The following ATF6 variants were observed in gnomAD, a reference collection of about 807,000 sequenced individuals.
The protein encoded by ATF6 is cyclic AMP-dependent transcription factor ATF-6 alpha.
In ATF6, 53 loss-of-function variants were observed where a neutral mutation model predicts 83.6. The observed-to-expected ratio is 0.63, with a 90% CI of 0.51 to 0.80. ATF6 has a LOEUF of 0.80. Ranked by LOEUF, ATF6 falls within the 30% of genes least tolerant of loss-of-function variation. ATF6 has a pLI of 0.00. For synonymous variants in ATF6, 288 were observed against 285.8 expected (o/e 1.01, Z -0.08); for missense variants, 744 against 797.9 (o/e 0.93, Z 0.81).
chr1:161,863,350 A>C, intron 14 of ATF6, 38 bp downstream of exon 14: 1 of 1,358,786 alleles, frequency 7.4e-7, no homozygotes. Context: ...AATATTTTTG[A>C]GTGCTTGCCG....
At chr1:161,820,707 C>T (rs1227261914) in intron 8 of ATF6, among the ~76,000 whole-genome samples, 2 of 152,074 alleles carry the variant, frequency 1.3e-5, no homozygotes, top group Non-Finnish European at 2.9e-5. Context: ...GAGATGATGC[C>T]ACTGCACTCC....
intron 4 of ATF6, among the ~76,000 whole-genome samples, 184 bp downstream of exon 4, chr1:161,784,280 GCT>G: frequency 1.3e-5 from 2 of 152,134 alleles, no homozygotes; most frequent in Non-Finnish European, 2.9e-5. Context: ...CTTTGGTTTT[GCT>G]CTCTTTTCCC....
intron 14 of ATF6, among the ~76,000 whole-genome samples, chr1:161,903,487 C>T (rs1355185649): frequency 4.6e-5 from 7 of 152,144 alleles, no homozygotes; most frequent in African/African-American, 1.7e-4. Flanking sequence ...CAATGGCTCT[C>T]AACTATGTGG....
At chr1:161,863,483 G>T (rs1686928626) in intron 14 of ATF6, among the ~76,000 whole-genome samples, 171 bp downstream of exon 14, 1 of 152,174 alleles carries the variant, frequency 6.6e-6, no homozygotes, top group Admixed American at 6.5e-5. Flanking sequence ...ACTTTGAGCT[G>T]TTGAGTATTA....
At chr1:161,791,264 A>T in intron 4 of ATF6, 144 bp from the exon 5 acceptor site, 1 of 502,268 alleles carries the variant, frequency 2.0e-6, no homozygotes, top group South Asian at 3.5e-5. Context: ...CTTATTACTT[A>T]ATATATATAT....
chr1:161,842,290 C>T (rs929985627), intron 9 of ATF6, among the ~76,000 whole-genome samples: 10 of 151,902 alleles, frequency 6.6e-5, no homozygotes, highest in Admixed American at 2.6e-4. Flanking sequence ...ACAACCACTG[C>T]GGAAAACAGT....
At chr1:161,836,293 A>G (rs1686213125) in intron 9 of ATF6, among the ~76,000 whole-genome samples, 1 of 152,202 alleles carries the variant, frequency 6.6e-6, no homozygotes, top group African/African-American at 2.4e-5. Context: ...ACATTTCGCC[A>G]TATGATATCA....
chr1:161,775,330 C>A (rs1684489165), intron 1 of ATF6, among the ~76,000 whole-genome samples: 1 of 152,008 alleles, frequency 6.6e-6, no homozygotes, highest in African/African-American at 2.4e-5. Flanking sequence ...CACCAATATC[C>A]TTTTCTTATT....
chr1:161,896,510 C>T (rs980773491), intron 14 of ATF6, among the ~76,000 whole-genome samples: 1 of 152,184 alleles, frequency 6.6e-6, no homozygotes, highest in Non-Finnish European at 1.5e-5. Flanking sequence ...CCCAGTTACT[C>T]AAATTTAAAA....
rs149683955 is a variant in ATF6 at position 161,784,059 on chromosome 1, G to T, written c.317G>T (p.Arg106Leu). The change falls in exon 4 of 16, where the codon CGG (arginine) becomes CTG (leucine). Residue 106 changes from arginine (R) to leucine (L), a missense_variant. Coordinates refer to ENST00000367942, the MANE Select transcript of ATF6 (RefSeq NM_007348.4). ...ASSSYSVSSP[R>L]SVDSYSSTQH... Reference sequence around the variant, plus strand: ...TCAAGTTATTCAGTCTCGTCTCCTCGGTCAGTGGACTCTTATTCTTCAACT... The same window carrying T: ...TCAAGTTATTCAGTCTCGTCTCCTCTGTCAGTGGACTCTTATTCTTCAACT... 38 of 1,613,534 alleles carry T rather than the reference G, an allele frequency of 2.4e-5. No homozygotes were observed. Among genetic ancestry groups the T allele is most frequent in the Non-Finnish European group, 3.2e-5 (38 of 1,179,630 alleles).
At chr1:161,943,312 C>T (rs145308544) in intron 15 of ATF6, among the ~76,000 whole-genome samples, 80 of 152,260 alleles carry the variant, frequency 5.3e-4, no homozygotes, top group African/African-American at 1.7e-3. Context: ...CCTGCTTGTA[C>T]TAACTCAGTC....
intron 13 of ATF6, among the ~76,000 whole-genome samples, chr1:161,862,947 A>G (rs2101838730): frequency 6.6e-6 from 1 of 152,322 alleles, no homozygotes; most frequent in South Asian, 2.1e-4. Flanking sequence ...TTTGCAATGT[A>G]CTTGACCATC....
chr1:161,947,838 T>TTG (rs1688782096), intron 15 of ATF6, among the ~76,000 whole-genome samples: 1 of 80,432 alleles, frequency 1.2e-5, no homozygotes, highest in African/African-American at 3.9e-5. Context: ...TTTTTTTTTT[T>TTG]TTTGAGATGG....
chr1:161,770,413 T>G (rs1032977953), intron 1 of ATF6, among the ~76,000 whole-genome samples: 6 of 152,212 alleles, frequency 3.9e-5, no homozygotes, highest in Non-Finnish European at 8.8e-5. Flanking sequence ...TTTCTCCCAG[T>G]TCTGGAGGTT....
chr1:161,811,510 G>A (rs1204598299), intron 7 of ATF6, among the ~76,000 whole-genome samples: 1 of 152,006 alleles, frequency 6.6e-6, no homozygotes, highest in Admixed American at 6.6e-5. Flanking sequence ...GTTATTGTAT[G>A]GGTACACATG....
chr1:161,903,418 C>G (rs1448419883), intron 14 of ATF6, among the ~76,000 whole-genome samples: 2 of 152,142 alleles, frequency 1.3e-5, no homozygotes, highest in Non-Finnish European at 2.9e-5. Context: ...CATTTCTAGG[C>G]TAAAGAGTTT....
chr1:161,828,066 G>A (rs549208769), intron 9 of ATF6, among the ~76,000 whole-genome samples: 1 of 151,970 alleles, frequency 6.6e-6, no homozygotes, highest in Non-Finnish European at 1.5e-5. Flanking sequence ...TTAATTCTAT[G>A]ATTATTAGTC....
chr1:161,911,923 A>G (rs184613459), intron 14 of ATF6, among the ~76,000 whole-genome samples: 5 of 152,334 alleles, frequency 3.3e-5, no homozygotes, highest in Admixed American at 3.3e-4. Context: ...TGGAAACTGA[A>G]ACACAGAAAG....
chr1:161,770,705 C>T (rs955518665), intron 1 of ATF6, among the ~76,000 whole-genome samples: 3 of 152,196 alleles, frequency 2.0e-5, no homozygotes, highest in Non-Finnish European at 4.4e-5. Flanking sequence ...CATAAATTCA[C>T]AGTTTGCTTA....
Sources: allele counts gnomAD v4.1 joint callset (sites outside exome capture counted in the v4.1 genomes callset), GRCh38; gene constraint gnomAD v4.1.1; transcripts MANE v1.5; gene names NCBI Gene and HGNC (gene_info 2026-07-23, HGNC 2026-07-21).